Variants in FMNL3 observed in about 807,000 individuals in gnomAD.
FMNL3 encodes the protein formin like 3, also known as formin-like protein 3.
Under a neutral mutation model 119.6 loss-of-function variants are expected in FMNL3, and 57 were observed. The ratio of observed to expected loss-of-function variants is 0.48; its 90% CI spans 0.39 to 0.59. The LOEUF is 0.59. FMNL3 is among the 20% of genes least tolerant of loss of function. The pLI, the probability that FMNL3 is intolerant of heterozygous loss-of-function variation, is 0.00. For synonymous variants in FMNL3, 491 were observed against 507.3 expected, an observed-to-expected ratio of 0.97 and a Z score of 0.43; for missense variants, 1,053 against 1,323.5, an observed-to-expected ratio of 0.80 and a Z score of 3.17.
intron 1 of FMNL3, among the ~76,000 whole-genome samples, chr12:49,704,860 G>A (rs745436507): frequency 2.6e-5 from 4 of 152,074 alleles, no homozygotes; most frequent in African/African-American, 4.8e-5. Context: ...TGAGGAAGAA[G>A]TCTAGGCTCA....
At chr12:49,673,999 T>C (rs566854258) in intron 1 of FMNL3, among the ~76,000 whole-genome samples, 1 of 152,294 alleles carries the variant, frequency 6.6e-6, no homozygotes, top group East Asian at 1.9e-4. Context: ...CACCCACACT[T>C]TTCCCCAGCC....
chr12:49,698,695 G>C (rs1375094644), intron 1 of FMNL3, among the ~76,000 whole-genome samples: 1 of 152,160 alleles, frequency 6.6e-6, no homozygotes, highest in Non-Finnish European at 1.5e-5. Flanking sequence ...AAGACAACAA[G>C]AGTATCTCCA....
In FMNL3 at chr12:49,650,953, A is replaced by G. The variant is rs1943379664; in HGVS notation, c.1798-75T>C. The G allele has an allele frequency of 3.5e-5, 54 of 1,552,774 alleles. No homozygotes were observed. The South Asian group carries it at 5.9e-4, about 17-fold the overall frequency. On this transcript the variant is annotated intron_variant, in intron 16 of 25. Coordinates refer to ENST00000335154, the MANE Select transcript of FMNL3 (RefSeq NM_175736.5). ...AGGACCTCATGACAGCCCACCCAGCATTGGCCCAGAGCTCTGTCACTCTGG... is the reference window on the plus strand; with the variant it reads ...AGGACCTCATGACAGCCCACCCAGCGTTGGCCCAGAGCTCTGTCACTCTGG...
chr12:49,659,857 A>G, intron 5 of FMNL3: 3 of 985,418 alleles, frequency 3.0e-6, no homozygotes, highest in Non-Finnish European at 3.6e-6. Context: ...CTCTTCCTCC[A>G]TGTAGGTCAT....
chr12:49,647,905 AG>A lies in FMNL3; in HGVS notation c.2677-102del, dbSNP rs1943259965. 9.9e-7 allele frequency: 1 copy of A among 1,012,610 alleles called. No homozygotes were observed. Among genetic ancestry groups the A allele is most frequent in the African/African-American group, 1.6e-5 (1 of 61,822 alleles). The allele number at this position is 1,012,610 out of a possible 1,614,324, so 62.7% of individuals were successfully genotyped here. On this transcript the variant is annotated intron_variant, in intron 22 of 25. Coordinates refer to ENST00000335154, the MANE Select transcript of FMNL3 (RefSeq NM_175736.5). This position sits in a 1 kb window ranked among gnomAD's most constrained non-coding sequence, Gnocchi z 4.9. ...TGCAGAAAGCAGAGCCCAGGGCCAA[AG>A]GGAGGAAAACCAAGCACCCAGGCCC... is the stretch of plus-strand genomic sequence containing the variant.
chr12:49,654,369 A>AT, intron 10 of FMNL3, 67 bp from the exon 11 acceptor site: 2 of 1,333,190 alleles, frequency 1.5e-6, no homozygotes, highest in South Asian at 2.4e-5. Context: ...GACCAGGAGG[A>AT]TAGGCGGCTG....
rs372555298 is a variant in FMNL3, at chr12:49,651,183, A to G, written c.1782T>C (p.Asp594=). The G allele has an allele frequency of 3.0e-5, 49 of 1,613,044 alleles. No individual in the cohort carries two copies. The highest frequency in any genetic ancestry group is 3.9e-5 in the Non-Finnish European group (46 of 1,179,228). ...GCCCTGTTACCTCCAAGATCTTCTCATCATCAAGTTCGCTGAAGACAGTGC... is the reference window on the plus strand; with the variant it reads ...GCCCTGTTACCTCCAAGATCTTCTCGTCATCAAGTTCGCTGAAGACAGTGC... ...ISGTVFSELD[D]EKILEDLDLD... Residue 594 remains aspartate, a synonymous_variant, in exon 16 of 26, where the codon GAT becomes GAC. Coordinates refer to ENST00000335154, the MANE Select transcript of FMNL3 (RefSeq NM_175736.5).
chr12:49,667,597 A>C (rs917949013), intron 2 of FMNL3, among the ~76,000 whole-genome samples: 2 of 152,208 alleles, frequency 1.3e-5, no homozygotes, highest in African/African-American at 4.8e-5. Context: ...CAAGTTACTG[A>C]GCCTTGGGTT....
Position 49,643,781 on chromosome 12 carries a change from C to G in FMNL3, c.*2034G>C, listed in dbSNP as rs753620551. On this transcript the variant is annotated 3_prime_UTR_variant, in exon 26 of 26. Transcript: ENST00000335154. ...AGTGAAGGAACTTCTACCTAAGCCC[C>G]TGCTATTTTGTGAGTTCTGTTCTAC... is the stretch of plus-strand genomic sequence containing the variant. 3.1e-6 allele frequency: 5 copies of G among 1,613,648 alleles called. No homozygotes were observed. Among genetic ancestry groups the G allele is most frequent in the Non-Finnish European group, 4.2e-6 (5 of 1,179,898 alleles).
Position 49,638,757 on chromosome 12 carries a change from A to T in FMNL3, c.*7058T>A, listed in dbSNP as rs905372735. The T allele has an allele frequency of 1.3e-5, 2 of 152,238 alleles. No individual in the cohort carries two copies. Among genetic ancestry groups the T allele is most frequent in the Admixed American group, 6.5e-5 (1 of 15,286 alleles). 9.4% of individuals were successfully genotyped at this position (152,238 alleles called of 1,614,324 possible). On this transcript the variant is annotated 3_prime_UTR_variant, in exon 26 of 26. Transcript: ENST00000335154. Reference sequence around the variant, plus strand: ...CTGCTTGCTAGTTGTGTGACCTTGGATAGGTCACTTGACCTTTCTGACCCT... The same window carrying T: ...CTGCTTGCTAGTTGTGTGACCTTGGTTAGGTCACTTGACCTTTCTGACCCT...
chr12:49,689,019 A>G (rs923553819), intron 1 of FMNL3, among the ~76,000 whole-genome samples: 9 of 152,182 alleles, frequency 5.9e-5, no homozygotes, highest in Admixed American at 4.6e-4. Context: ...TTGGGAGGCT[A>G]AGGTGCAAGG....
At chr12:49,704,922 A>G in intron 1 of FMNL3, among the ~76,000 whole-genome samples, 1 of 152,016 alleles carries the variant, frequency 6.6e-6, no homozygotes, top group Non-Finnish European at 1.5e-5. Flanking sequence ...CTACTACACT[A>G]TGCTTCTCCT....
chr12:49,668,598 T>C (rs1275832660), intron 1 of FMNL3, 44 bp from the exon 2 acceptor site: 1 of 1,573,570 alleles, frequency 6.4e-7, no homozygotes, highest in South Asian at 1.1e-5. Context: ...CCTCCCCTCA[T>C]CTGGAAAAGA....
intron 1 of FMNL3, among the ~76,000 whole-genome samples, chr12:49,694,764 T>G (rs1312579851): frequency 6.6e-6 from 1 of 152,032 alleles, no homozygotes; most frequent in Non-Finnish European, 1.5e-5. Context: ...TACCAAAAAT[T>G]AGCCGGGTAT....
intron 1 of FMNL3, among the ~76,000 whole-genome samples, chr12:49,693,183 T>C (rs1263119898): frequency 6.6e-6 from 1 of 152,118 alleles, no homozygotes; most frequent in Non-Finnish European, 1.5e-5. Flanking sequence ...TATTTTAAAT[T>C]TGGGTGCTTT....
In FMNL3 at chr12:49,641,687, C is replaced by G. The variant is rs1565848400; in HGVS notation, c.*4128G>C. On this transcript the variant is annotated 3_prime_UTR_variant, in exon 26 of 26. Transcript: ENST00000335154. The stretch of plus-strand genomic sequence containing the variant: ...TCAGCAGTTGGGAGACATCTCCCAA[C>G]CCCTTCAGCTCTGTGTGACATCCAA... 1 of 544,012 alleles carries G rather than the reference C, an allele frequency of 1.8e-6. No homozygotes were observed. Among genetic ancestry groups the G allele is most frequent in the Admixed American group, 3.3e-5 (1 of 30,584 alleles). 33.7% of individuals were successfully genotyped at this position (544,012 alleles called of 1,614,324 possible).
rs562655910 is a variant in FMNL3 at position 49,661,783 on chromosome 12, C to A, written c.452+183G>T. The stretch of plus-strand genomic sequence containing the variant: ...TACTCCAGCCAAGTGCCATTCTTCA[C>A]TGATCCCCAGACATCTCCGGGCTTG... On this transcript the variant is annotated intron_variant, in intron 5 of 25. Transcript: ENST00000335154. 10 of 612,564 alleles carry A rather than the reference C, an allele frequency of 1.6e-5. No individual in the cohort carries two copies. In the African/African-American group the frequency reaches 1.8e-4, roughly 11 times the overall value. 37.9% of individuals were successfully genotyped at this position (612,564 alleles called of 1,614,324 possible).
chr12:49,695,124 C>T (rs1053881306), intron 1 of FMNL3, among the ~76,000 whole-genome samples: 2 of 151,254 alleles, frequency 1.3e-5, no homozygotes, highest in Non-Finnish European at 2.9e-5. Context: ...CCCAAGAGTT[C>T]GACTCCAGTT....
chr12:49,653,467 C>G, intron 12 of FMNL3, 140 bp from the exon 13 acceptor site: 1 of 920,870 alleles, frequency 1.1e-6, no homozygotes, highest in Non-Finnish European at 1.7e-6. Flanking sequence ...CCCTTATATT[C>G]CAATAACAGA....
Sources: allele counts gnomAD v4.1 joint callset (sites outside exome capture counted in the v4.1 genomes callset), GRCh38; gene constraint gnomAD v4.1.1; non-coding constraint Gnocchi (gnomAD v3.1); transcripts MANE v1.5; gene names NCBI Gene and HGNC (gene_info 2026-07-23, HGNC 2026-07-21).